DENND1A: variants seen among roughly 807,000 people sequenced by gnomAD.
The protein encoded by DENND1A is DENN domain-containing protein 1A.
DENND1A carries 51 observed loss-of-function variants against 113.7 expected under a neutral mutation model. The ratio of observed to expected loss-of-function variants is 0.45; its 90% confidence interval spans 0.36 to 0.57. DENND1A has a LOEUF of 0.57. Ranked by LOEUF, DENND1A falls within the 20% of genes least tolerant of loss-of-function variation. DENND1A has a pLI of 0.00. For synonymous variants in DENND1A, 565 were observed against 570.8 expected (o/e 0.99, Z 0.14); for missense variants, 1,258 against 1,395.9 (o/e 0.90, Z 1.57).
chr9:123,699,962 T>G (rs965839156), intron 5 of DENND1A, among the ~76,000 whole-genome samples: 2 of 152,134 alleles, frequency 1.3e-5, no homozygotes, highest in African/African-American at 4.8e-5. Context: ...CCTCCCAAAG[T>G]GCTGGGATTA....
At chr9:123,464,517 G>A (rs745932705) in intron 13 of DENND1A, among the ~76,000 whole-genome samples, 3 of 152,172 alleles carry the variant, frequency 2.0e-5, no homozygotes, top group Non-Finnish European at 2.9e-5. Context: ...CCACTTGTAT[G>A]AGGTACCTAG....
chr9:123,904,210 C>G (rs1454775613), intron 1 of DENND1A, among the ~76,000 whole-genome samples: 1 of 152,146 alleles, frequency 6.6e-6, no homozygotes, highest in African/African-American at 2.4e-5. Flanking sequence ...CACCAAAAAC[C>G]CATCTGTACA....
intron 13 of DENND1A, among the ~76,000 whole-genome samples, chr9:123,512,782 A>G (rs2053566667): frequency 1.3e-5 from 2 of 152,222 alleles, no homozygotes; most frequent in Admixed American, 6.5e-5. Context: ...ACACTGGTTC[A>G]AATACCAGCT....
At chr9:123,498,448 A>G (rs558984395) in intron 13 of DENND1A, among the ~76,000 whole-genome samples, 1 of 152,374 alleles carries the variant, frequency 6.6e-6, no homozygotes, top group East Asian at 1.9e-4. Flanking sequence ...ACATCAGCAG[A>G]GCGCTGGTCA....
intron 13 of DENND1A, among the ~76,000 whole-genome samples, chr9:123,554,626 T>C (rs891414642): frequency 8.5e-5 from 13 of 152,248 alleles, no homozygotes; most frequent in African/African-American, 3.1e-4. Context: ...CTCCACCTTA[T>C]GGAAGAAAGC....
At chr9:123,809,964 G>C (rs141626712) in intron 2 of DENND1A, among the ~76,000 whole-genome samples, 382 of 152,206 alleles carry the variant, frequency 2.5e-3, no homozygotes, top group African/African-American at 8.9e-3. Context: ...AGGAGCCACC[G>C]GTCTGGTCAA....
chr9:123,465,465 A>G (rs1161121325), intron 13 of DENND1A, among the ~76,000 whole-genome samples: 1 of 152,152 alleles, frequency 6.6e-6, no homozygotes, highest in Non-Finnish European at 1.5e-5. Flanking sequence ...TGTACTAGCT[A>G]TGTGCTCTTA....
Position 123,386,230 on chromosome 9 carries a change from A to G in DENND1A, c.1760+1500T>C, listed in dbSNP as rs2042551927. ...TAGCAACAGAAATAATAACTAATACATTACGCCTATGACATCATAGATATT... is the reference window on the plus strand; with the variant it reads ...TAGCAACAGAAATAATAACTAATACGTTACGCCTATGACATCATAGATATT... On this transcript the variant is annotated intron_variant, in intron 22 of 23. Transcript: ENST00000394215. 2.0e-5 allele frequency among the ~76,000 whole-genome samples: 3 copies of G among 151,822 alleles called. No homozygotes were observed. In the South Asian group the frequency reaches 6.2e-4, roughly 31 times the overall value.
chr9:123,783,916 C>T (rs1001218504), intron 3 of DENND1A, among the ~76,000 whole-genome samples: 2 of 152,144 alleles, frequency 1.3e-5, no homozygotes, highest in African/African-American at 2.4e-5. Context: ...ACGACATAGG[C>T]GTGGATCCTC....
intron 4 of DENND1A, among the ~76,000 whole-genome samples, chr9:123,760,790 T>C (rs2070970816): frequency 6.6e-6 from 1 of 152,154 alleles, no homozygotes; most frequent in Non-Finnish European, 1.5e-5. Flanking sequence ...ATTAAAGTGA[T>C]TGGGGAGAAA....
chr9:123,700,868 A>G (rs1177264573), intron 5 of DENND1A, among the ~76,000 whole-genome samples: 1 of 152,234 alleles, frequency 6.6e-6, no homozygotes, highest in Non-Finnish European at 1.5e-5. Context: ...ATCTTTTTAA[A>G]AAAATGTATC....
intron 13 of DENND1A, among the ~76,000 whole-genome samples, chr9:123,552,408 T>C (rs186433430): frequency 3.3e-5 from 5 of 152,290 alleles, no homozygotes; most frequent in Non-Finnish European, 7.4e-5. Context: ...GAGAGGTGAA[T>C]AACTGCTCAG....
chr9:123,829,293 T>C (rs1839841421), intron 2 of DENND1A, among the ~76,000 whole-genome samples: 1 of 152,028 alleles, frequency 6.6e-6, no homozygotes, highest in Non-Finnish European at 1.5e-5. Flanking sequence ...TCCTTTCAAA[T>C]TAGTTAAAAT....
chr9:123,512,727 G>A lies in DENND1A; in HGVS notation c.993+44843C>T, dbSNP rs1397333716. On this transcript the variant is annotated intron_variant, in intron 13 of 23. Transcript: ENST00000394215. ...TGGCTGGCCGCCTTAAAGAACTGAA[G>A]GTGACTTGGGACAGTGGAAGGAGGG... Among the ~76,000 whole-genome samples the A allele has an allele frequency of 2.0e-5, 3 of 152,234 alleles. No homozygotes were observed. The East Asian group carries it at 5.8e-4, about 29-fold the overall frequency.
chr9:123,921,068 C>A (rs1351899227), intron 1 of DENND1A, among the ~76,000 whole-genome samples: 1 of 152,006 alleles, frequency 6.6e-6, no homozygotes, highest in African/African-American at 2.4e-5. Flanking sequence ...TGAAAGGAAG[C>A]AAATACTTTG....
chr9:123,618,876 G>C (rs2060793534), intron 10 of DENND1A, among the ~76,000 whole-genome samples: 3 of 152,214 alleles, frequency 2.0e-5, no homozygotes, highest in Admixed American at 2.0e-4. Context: ...CATCTACACA[G>C]ACTAACCCAT....
At chr9:123,651,295 T>C (rs186911913) in intron 9 of DENND1A, among the ~76,000 whole-genome samples, 1 of 152,358 alleles carries the variant, frequency 6.6e-6, no homozygotes, top group African/African-American at 2.4e-5. Flanking sequence ...TTCAGTTACC[T>C]CTAACCAAAG....
chr9:123,667,076 A>G lies in DENND1A; in HGVS notation c.457T>C (p.Ser153Pro). The G allele has an allele frequency of 6.2e-7, 1 of 1,600,520 alleles. No individual in the cohort carries two copies. The highest frequency in any genetic ancestry group is 1.4e-5 in the African/African-American group (1 of 73,984). ...PGVSVHLSVH[S>P]YFTVPDTREL... ...CTGGTATCAGGCACAGTAAAATAAG[A>G]ATGCTAGAAAAGAAAAGCAAAAGTG... The change falls in exon 8 of 24, where the codon TCT becomes CCT. Residue 153 changes from serine to proline, a missense_variant. Ser to Pro is a moderately conservative substitution (Grantham distance 74). Around this residue, in one of 2 missense-constraint regions of DENND1A, gnomAD observed 1,159 missense variants for 1,231.7 expected, o/e 0.94. Transcript: ENST00000394215.
chr9:123,680,933 C>T (rs2064406258), intron 5 of DENND1A, among the ~76,000 whole-genome samples: 1 of 152,118 alleles, frequency 6.6e-6, no homozygotes, highest in Admixed American at 6.5e-5. Flanking sequence ...TGGTCCACAG[C>T]AGGACATCAG....
Sources: allele counts gnomAD v4.1 joint callset (sites outside exome capture counted in the v4.1 genomes callset), GRCh38; gene constraint gnomAD v4.1.1; regional missense constraint gnomAD v4.1.1; transcripts MANE v1.5; gene names NCBI Gene and HGNC (gene_info 2026-07-23, HGNC 2026-07-21).